Variants in FGF14 observed in about 807,000 individuals in gnomAD.
FGF14 encodes fibroblast growth factor 14.
A neutral mutation model predicts 25.5 loss-of-function variants in FGF14; 5 were observed. The observed-to-expected ratio is 0.20, with a 90% CI of 0.10 to 0.41. The LOEUF (loss-of-function observed/expected upper bound fraction) is 0.41. FGF14 is among the 10% of genes least tolerant of loss of function. FGF14 has a pLI of 1.00. For synonymous variants in FGF14, 138 were observed against 118.3 expected (o/e 1.17, Z -1.08); for missense variants, 222 against 320.1 (o/e 0.69, Z 2.34).
chr13:102,262,203 T>G (rs1251224977), intron 1 of FGF14, among the ~76,000 whole-genome samples: 1 of 152,154 alleles, frequency 6.6e-6, no homozygotes, highest in Admixed American at 6.5e-5. Flanking sequence ...CATGTTAAGG[T>G]TATGACACTT....
intron 1 of FGF14, among the ~76,000 whole-genome samples, chr13:102,303,035 C>A (rs547523604): frequency 1.3e-5 from 2 of 152,268 alleles, no homozygotes; most frequent in African/African-American, 4.8e-5. Context: ...AGAAGAACAT[C>A]CTGCTTCTCT....
intron 3 of FGF14, among the ~76,000 whole-genome samples, chr13:101,730,817 C>T (rs190481676): frequency 1.8e-4 from 28 of 152,144 alleles, no homozygotes; most frequent in East Asian, 3.9e-4. Context: ...ATCATGGCAC[C>T]GTAATGAGGA....
intron 1 of FGF14, among the ~76,000 whole-genome samples, chr13:102,063,807 G>A (rs34356757): frequency 2.0e-5 from 3 of 152,038 alleles, no homozygotes; most frequent in Non-Finnish European, 2.9e-5. Flanking sequence ...CAGATAATAT[G>A]CCTATGTATT....
At chr13:102,394,682 C>G (rs537733828) in intron 1 of FGF14, 43 of 152,444 alleles carry the variant, frequency 2.8e-4, no homozygotes, top group African/African-American at 9.6e-4. Context: ...ATGGCCGGTC[C>G]CCGTGAGCAG....
chr13:102,150,627 A>C (rs2047044272), intron 1 of FGF14, among the ~76,000 whole-genome samples: 2 of 152,196 alleles, frequency 1.3e-5, no homozygotes, highest in Admixed American at 1.3e-4. Flanking sequence ...GTGAAGGCAG[A>C]GGTTTTTCTC....
intron 1 of FGF14, among the ~76,000 whole-genome samples, chr13:102,306,548 A>G (rs2055390669): frequency 6.6e-6 from 1 of 152,168 alleles, no homozygotes; most frequent in Non-Finnish European, 1.5e-5. Context: ...GAAGCTCATC[A>G]ATGGACAGCT....
chr13:102,400,248 G>C lies in FGF14; in HGVS notation c.208+1223C>G, dbSNP rs534062440. ...AGCCCAGGGCGTCAGGGAGGCCGTGGAGAGCCATGATCTACTGCACCGCAG... is the reference window on the plus strand; with the variant it reads ...AGCCCAGGGCGTCAGGGAGGCCGTGCAGAGCCATGATCTACTGCACCGCAG... On this transcript the variant is annotated intron_variant, in intron 1 of 4. Transcript: ENST00000376131. The surrounding 1 kb of genome is among the most constrained non-coding windows in gnomAD (Gnocchi z 4.3). Among the ~76,000 whole-genome samples the C allele has an allele frequency of 4.7e-4, 71 of 152,292 alleles. No individual in the cohort carries two copies. The highest frequency in any genetic ancestry group is 1.9e-3 in the South Asian group (9 of 4,828).
At chr13:102,257,814 G>A (rs1258006327) in intron 1 of FGF14, among the ~76,000 whole-genome samples, 8 of 152,040 alleles carry the variant, frequency 5.3e-5, no homozygotes. Flanking sequence ...TTTCTGGAGG[G>A]GCCACCTTCA....
intron 1 of FGF14, among the ~76,000 whole-genome samples, chr13:102,280,619 T>C (rs553952292): frequency 1.3e-5 from 2 of 152,330 alleles, no homozygotes; most frequent in African/African-American, 2.4e-5. Flanking sequence ...TTCTGCAAGG[T>C]AAACTGCCTT....
chr13:102,392,812 C>T (rs1014501936), intron 1 of FGF14, among the ~76,000 whole-genome samples: 3 of 152,178 alleles, frequency 2.0e-5, no homozygotes, highest in African/African-American at 7.2e-5. Flanking sequence ...GACCGCTCAC[C>T]ACTGCTCACT....
chr13:102,081,930 C>A (rs1032197568), intron 1 of FGF14, among the ~76,000 whole-genome samples: 10 of 152,056 alleles, frequency 6.6e-5, no homozygotes, highest in African/African-American at 2.4e-4. Flanking sequence ...CATACCAATA[C>A]AGCAATATTT....
chr13:101,940,865 AAT>A (rs1296582963), intron 1 of FGF14, among the ~76,000 whole-genome samples: 1 of 152,220 alleles, frequency 6.6e-6, no homozygotes, highest in Non-Finnish European at 1.5e-5. Context: ...TTTTTTAAAA[AAT>A]ATTTTTCATT....
chr13:102,271,176 C>T (rs1425181389), intron 1 of FGF14, among the ~76,000 whole-genome samples: 1 of 152,110 alleles, frequency 6.6e-6, no homozygotes, highest in Non-Finnish European at 1.5e-5. Context: ...TTACGATATA[C>T]AGTTTTTGGT....
At chr13:102,378,162 C>T (rs1473144301) in intron 1 of FGF14, among the ~76,000 whole-genome samples, 1 of 152,104 alleles carries the variant, frequency 6.6e-6, no homozygotes, top group African/African-American at 2.4e-5. Context: ...CCATGGAGCA[C>T]ACAACACCAG....
chr13:102,235,483 C>G (rs1286183156), intron 1 of FGF14, among the ~76,000 whole-genome samples: 3 of 152,168 alleles, frequency 2.0e-5, no homozygotes, highest in Non-Finnish European at 4.4e-5. Context: ...CCAGGCACCA[C>G]CTACATCTCA....
At chr13:101,798,960 G>A in intron 3 of FGF14, among the ~76,000 whole-genome samples, 1 of 152,072 alleles carries the variant, frequency 6.6e-6, no homozygotes, top group Non-Finnish European at 1.5e-5. Flanking sequence ...ACAGTATTCT[G>A]CTACTCGGCA....
At chr13:102,144,334 T>C (rs1283101246) in intron 1 of FGF14, among the ~76,000 whole-genome samples, 1 of 152,216 alleles carries the variant, frequency 6.6e-6, no homozygotes, top group Non-Finnish European at 1.5e-5. Context: ...TCAAAAACTT[T>C]TGATTAGATC....
chr13:101,943,824 A>ATAT (rs553788083), intron 1 of FGF14, among the ~76,000 whole-genome samples: 30 of 126,942 alleles, frequency 2.4e-4, no homozygotes, highest in South Asian at 9.6e-4. Flanking sequence ...AAAAAAAAAA[A>ATAT]AAATATATAT....
intron 1 of FGF14, among the ~76,000 whole-genome samples, chr13:102,204,793 C>T (rs145790548): frequency 1.3e-5 from 2 of 152,220 alleles, no homozygotes; most frequent in East Asian, 3.9e-4. Flanking sequence ...GATGCTCCCA[C>T]CTCGGCCTCC....
Sources: gnomAD v4.1 joint callset for allele counts (sites outside exome capture counted in the v4.1 genomes callset) on GRCh38, gnomAD v4.1.1 for gene constraint, Gnocchi (gnomAD v3.1) non-coding constraint, MANE v1.5 for transcripts, NCBI Gene and HGNC (gene_info 2026-07-23, HGNC 2026-07-21) for gene names.